Variants in LIN54 observed in about 807,000 individuals in gnomAD.
LIN54 encodes the protein lin-54 DREAM MuvB core complex component, also known as protein lin-54 homolog.
Under a neutral mutation model 78.7 loss-of-function variants are expected in LIN54, and 9 were observed. The observed-to-expected ratio is 0.11, with a 90% CI of 0.07 to 0.20. The LOEUF is 0.20. LIN54 is among the 10% of genes least tolerant of loss of function. The probability of loss-of-function intolerance (pLI) is 1.00; values close to 1 mark genes in which losing one functional copy is unlikely to be tolerated. For synonymous variants in LIN54, 269 were observed against 318.4 expected (o/e 0.84, Z 1.65); for missense variants, 573 against 889.9 (o/e 0.64, Z 4.53).
intron 7 of LIN54, among the ~76,000 whole-genome samples, chr4:82,939,100 G>A (rs369971594): frequency 7.2e-5 from 11 of 152,158 alleles, no homozygotes; most frequent in Admixed American, 5.2e-4. Context: ...TAGATAGATC[G>A]CTGAAGATAT....
chr4:82,965,655 G>A (rs1002780425), intron 4 of LIN54, among the ~76,000 whole-genome samples: 10 of 152,222 alleles, frequency 6.6e-5, no homozygotes, highest in Non-Finnish European at 1.0e-4. Context: ...AAAAGGCACA[G>A]TGGAAGGACT....
At chr4:83,011,241 G>T (rs947615043), upstream of LIN54, among the ~76,000 whole-genome samples, 10 of 152,090 alleles carry the variant, frequency 6.6e-5, no homozygotes, top group African/African-American at 2.4e-4. Flanking sequence ...TACCCCACCC[G>T]CAGAACTACT....
At chr4:82,970,145 A>T (rs545671752) in intron 4 of LIN54, among the ~76,000 whole-genome samples, 182 bp downstream of exon 4, 2 of 152,172 alleles carry the variant, frequency 1.3e-5, no homozygotes, top group Non-Finnish European at 2.9e-5. Flanking sequence ...CTATGTTACT[A>T]TGTGTTTAAA....
intron 4 of LIN54, among the ~76,000 whole-genome samples, chr4:82,961,522 G>A (rs1724792269): frequency 6.6e-6 from 1 of 151,954 alleles, no homozygotes; most frequent in South Asian, 2.1e-4. Context: ...CAAAAATAAA[G>A]GCTGAAAAAA....
intron 12 of LIN54, among the ~76,000 whole-genome samples, chr4:82,929,028 A>G (rs67294471): frequency 0.18 from 26,988 of 152,116 alleles, 2,586 homozygotes; most frequent in South Asian, 0.32. Context: ...CACTAACTCA[A>G]CAACCTGTGA....
At chr4:83,001,871 G>GA (rs1560795710) in intron 1 of LIN54, among the ~76,000 whole-genome samples, 3 of 6,702 alleles carry the variant, frequency 4.5e-4, no homozygotes, top group Admixed American at 3.3e-3. Flanking sequence ...GGATAGGAAG[G>GA]AAGGAAGGAA....
chr4:82,990,969 C>T (rs1727640207), intron 1 of LIN54, among the ~76,000 whole-genome samples: 1 of 152,072 alleles, frequency 6.6e-6, no homozygotes, highest in Non-Finnish European at 1.5e-5. Flanking sequence ...AGGGCTGTCA[C>T]TGCCTCACTG....
At chr4:82,934,140 C>G (rs544300489) in intron 11 of LIN54, among the ~76,000 whole-genome samples, 1 of 152,310 alleles carries the variant, frequency 6.6e-6, no homozygotes, top group East Asian at 1.9e-4. Flanking sequence ...GACGGTGGCT[C>G]ATGCCTGTAA....
In LIN54 at chr4:82,972,853, C is replaced by T. The variant is rs145492084; in HGVS notation, c.809-2384G>A. On this transcript the variant is annotated intron_variant, in intron 3 of 12. Coordinates refer to ENST00000340417, the MANE Select transcript of LIN54 (RefSeq NM_194282.4). ...AAAATTAGCCAGGCGTGGTAGCGTG[C>T]GTCTATAATCCCAGCTACTCGGGAG... Among the ~76,000 whole-genome samples the T allele has an allele frequency of 8.5e-3, 1,271 of 150,068 alleles. 11 individuals are homozygous for T. Among genetic ancestry groups the T allele is most frequent in the Middle Eastern group, 0.044 (13 of 294 alleles).
At chr4:82,931,839 A>G (rs1397328043) in intron 11 of LIN54, among the ~76,000 whole-genome samples, 1 of 152,096 alleles carries the variant, frequency 6.6e-6, no homozygotes, top group East Asian at 1.9e-4. Flanking sequence ...CTTACAACTC[A>G]TGGAATCCCT....
At chr4:82,999,928 T>C (rs1728612708) in intron 1 of LIN54, among the ~76,000 whole-genome samples, 1 of 152,112 alleles carries the variant, frequency 6.6e-6, no homozygotes, top group South Asian at 2.1e-4. Flanking sequence ...GGTCTCACTC[T>C]GTCACCCAGA....
chr4:82,947,233 A>ATTTTTTT (rs1233101387), intron 4 of LIN54, among the ~76,000 whole-genome samples: 1,313 of 16,718 alleles, frequency 0.079, 22 homozygotes, highest in Non-Finnish European at 0.15. Context: ...ATATATATAT[A>ATTTTTTT]TATTTTTTTT....
chr4:83,002,438 AGGGAGGAG>A (rs1199417353), intron 1 of LIN54, among the ~76,000 whole-genome samples: 1 of 82,056 alleles, frequency 1.2e-5, no homozygotes, highest in African/African-American at 4.8e-5. Flanking sequence ...GGAGGGAGGG[AGGGAGGAG>A]GGGAGGGAAG....
At chr4:82,965,282 G>A (rs2126065659) in intron 4 of LIN54, among the ~76,000 whole-genome samples, 1 of 152,218 alleles carries the variant, frequency 6.6e-6, no homozygotes, top group Admixed American at 6.5e-5. Flanking sequence ...GATTACTTTA[G>A]AAAATAAATA....
In LIN54 at chr4:83,010,619, T is replaced by C; in HGVS notation, c.-168A>G. ...TGGCCAGCAGCTTCCTTTCCCAGTT[T>C]GTCCAAACTGGAGCGCTCCAGGGTA... On this transcript the variant is annotated 5_prime_UTR_variant, in exon 1 of 13. Transcript: ENST00000340417. 2 of 1,227,908 alleles carry C rather than the reference T, an allele frequency of 1.6e-6. No individual in the cohort carries two copies. Among genetic ancestry groups the C allele is most frequent in the Non-Finnish European group, 2.0e-6 (2 of 985,364 alleles). The allele number at this position is 1,227,908 out of a possible 1,614,324, so 76.1% of individuals were successfully genotyped here.
At chr4:82,980,339 G>C (rs1043715871) in intron 2 of LIN54, among the ~76,000 whole-genome samples, 1 of 151,952 alleles carries the variant, frequency 6.6e-6, no homozygotes, top group Non-Finnish European at 1.5e-5. Context: ...GACTGTAAAA[G>C]AACTATTTAT....
intron 1 of LIN54, 54 bp downstream of exon 1, chr4:83,010,430 C>CCAAAA: frequency 1.0e-5 from 6 of 576,994 alleles, no homozygotes; most frequent in Non-Finnish European, 1.3e-5. Context: ...CCCATCCCCC[C>CCAAAA]AAATAAAGAG....
At chr4:82,998,014 ATATATATAATAAT>A (rs1168433699) in intron 1 of LIN54, among the ~76,000 whole-genome samples, 7 of 61,168 alleles carry the variant, frequency 1.1e-4, no homozygotes, top group African/African-American at 7.0e-4. Flanking sequence ...AAATAATAAT[ATATATATAATAAT>A]ATATATATAT....
chr4:82,941,153 T>TATATATAC, intron 5 of LIN54, among the ~76,000 whole-genome samples: 1 of 144,000 alleles, frequency 6.9e-6, no homozygotes, highest in East Asian at 2.0e-4. Flanking sequence ...TAAGAGGATA[T>TATATATAC]ATATATATAT....
Sources: gnomAD v4.1 joint callset for allele counts (sites outside exome capture counted in the v4.1 genomes callset) on GRCh38, gnomAD v4.1.1 for gene constraint, MANE v1.5 for transcripts, NCBI Gene and HGNC (gene_info 2026-07-23, HGNC 2026-07-21) for gene names.